FHOD3: variants seen among roughly 807,000 people sequenced by gnomAD.
FHOD3 encodes the protein FH1/FH2 domain-containing protein 3.
FHOD3 carries 90 observed loss-of-function variants against 173.0 expected under a neutral mutation model. The ratio of observed to expected loss-of-function variants is 0.52; its 90% CI spans 0.44 to 0.62. FHOD3 has a LOEUF of 0.62. FHOD3 is among the 20% of genes least tolerant of loss of function. The pLI is 0.00. For synonymous variants in FHOD3, 828 were observed against 823.0 expected, an observed-to-expected ratio of 1.01 and a Z score of -0.10; for missense variants, 1,945 against 2,034.7, an observed-to-expected ratio of 0.96 and a Z score of 0.85.
Position 36,584,761 on chromosome 18 carries a change from C to A in FHOD3, c.606+8216C>A, listed in dbSNP as rs1434493284. 2.0e-5 allele frequency among the ~76,000 whole-genome samples: 3 copies of A among 152,014 alleles called. No homozygotes were observed. The East Asian group carries it at 5.8e-4, about 29-fold the overall frequency. On this transcript the variant is annotated intron_variant, in intron 6 of 28. Transcript: ENST00000590592. ...ATGATCAGCTTGAATAACACATAGA[C>A]CCCTTCTCAAAAAACTAAAATAGCT...
At chr18:36,675,671 T>C (rs1240623400) in intron 14 of FHOD3, among the ~76,000 whole-genome samples, 1 of 152,170 alleles carries the variant, frequency 6.6e-6, no homozygotes, top group East Asian at 1.9e-4. Flanking sequence ...TTATCATACC[T>C]TAGAGAATAG....
chr18:36,389,009 G>A (rs1427431993), intron 3 of FHOD3, among the ~76,000 whole-genome samples: 1 of 152,052 alleles, frequency 6.6e-6, no homozygotes, highest in African/African-American at 2.4e-5. Context: ...GGCGCTTCTT[G>A]CCAAATGCAG....
At chr18:36,748,876 A>T (rs1462107570) in intron 24 of FHOD3, among the ~76,000 whole-genome samples, 3 of 152,000 alleles carry the variant, frequency 2.0e-5, no homozygotes, top group Non-Finnish European at 4.4e-5. Context: ...AGCCCCAAGG[A>T]CTGTGCCTCA....
intron 17 of FHOD3, among the ~76,000 whole-genome samples, chr18:36,696,904 C>G (rs762648320): frequency 6.6e-6 from 1 of 152,208 alleles, no homozygotes; most frequent in Non-Finnish European, 1.5e-5. Flanking sequence ...GCTTTGATAT[C>G]TTTTCCTTAT....
intron 6 of FHOD3, among the ~76,000 whole-genome samples, chr18:36,592,197 C>T (rs906074044): frequency 2.0e-5 from 3 of 152,094 alleles, no homozygotes; most frequent in Non-Finnish European, 4.4e-5. Flanking sequence ...CCAGCCTGGG[C>T]AACAGAACAA....
chr18:36,464,364 A>G (rs1427103220), intron 3 of FHOD3, among the ~76,000 whole-genome samples: 2 of 152,188 alleles, frequency 1.3e-5, no homozygotes, highest in African/African-American at 4.8e-5. Flanking sequence ...ATTCCAGAAA[A>G]TGCTTACTGC....
At chr18:36,732,620 C>T (rs188006849) in intron 20 of FHOD3, among the ~76,000 whole-genome samples, 5 of 152,304 alleles carry the variant, frequency 3.3e-5, no homozygotes, top group South Asian at 2.1e-4. Context: ...TCCAGCCTAT[C>T]GAAAGAGTGA....
intron 28 of FHOD3, among the ~76,000 whole-genome samples, chr18:36,771,883 A>G (rs1006588782): frequency 3.9e-5 from 6 of 152,238 alleles, no homozygotes; most frequent in African/African-American, 1.2e-4. Flanking sequence ...GACAGGAGAC[A>G]GCATGGGACA....
intron 5 of FHOD3, among the ~76,000 whole-genome samples, chr18:36,516,261 G>T (rs1244307177): frequency 2.0e-5 from 3 of 152,182 alleles, no homozygotes; most frequent in Non-Finnish European, 2.9e-5. Context: ...CAGATCAAGA[G>T]AAGAGGCTGG....
intron 15 of FHOD3, 30 bp downstream of exon 15, chr18:36,681,600 TAGTG>T (rs765891878): frequency 6.3e-5 from 98 of 1,551,774 alleles, no homozygotes; most frequent in Non-Finnish European, 8.1e-5. Context: ...TTTTTTTAAA[TAGTG>T]AGTTAAAAAT....
chr18:36,520,998 G>T (rs1017163687), intron 5 of FHOD3, among the ~76,000 whole-genome samples: 4 of 152,160 alleles, frequency 2.6e-5, no homozygotes, highest in African/African-American at 9.7e-5. Context: ...TCTCACACAT[G>T]GTCTTCTTTT....
chr18:36,590,504 A>T (rs1474334522), intron 6 of FHOD3, among the ~76,000 whole-genome samples: 1 of 152,338 alleles, frequency 6.6e-6, no homozygotes, highest in African/African-American at 2.4e-5. Flanking sequence ...TGTCCTTGAA[A>T]TTAGTACCAT....
At chr18:36,450,488 A>AT (rs1392871399) in intron 3 of FHOD3, among the ~76,000 whole-genome samples, 2 of 132,006 alleles carry the variant, frequency 1.5e-5, no homozygotes, top group Non-Finnish European at 3.3e-5. Context: ...TATTTATTTA[A>AT]TTTTTAAAGA....
intron 1 of FHOD3, among the ~76,000 whole-genome samples, chr18:36,307,659 A>C (rs1296909574): frequency 6.6e-6 from 1 of 152,226 alleles, no homozygotes; most frequent in Non-Finnish European, 1.5e-5. Context: ...GCAGCTGTCC[A>C]CTTAAACTGT....
chr18:36,380,535 TTC>T (rs1224839792), intron 3 of FHOD3, among the ~76,000 whole-genome samples: 3 of 147,006 alleles, frequency 2.0e-5, no homozygotes, highest in South Asian at 2.3e-4. Flanking sequence ...CTTTTTCCCT[TTC>T]TCTCTCTTTC....
intron 3 of FHOD3, among the ~76,000 whole-genome samples, chr18:36,417,121 A>G (rs1158571217): frequency 6.6e-6 from 1 of 152,206 alleles, no homozygotes; most frequent in Non-Finnish European, 1.5e-5. Context: ...TTATATAGGT[A>G]AACTTATGTC....
At position 36,670,025 on chromosome 18, in the gene FHOD3, G is replaced by A. The variant is rs565769252; in HGVS notation, c.1836-11411G>A. 1.5e-3 allele frequency among the ~76,000 whole-genome samples: 227 copies of A among 150,154 alleles called. 3 individuals carry two copies. The Middle Eastern group carries it at 0.027, about 18-fold the overall frequency. Reference sequence around the variant, plus strand: ...AGGTAAAGAATTATAAGTTGATAGCGTTTTTTTTTCTTTCAGTACTCTAAA... The same window carrying A: ...AGGTAAAGAATTATAAGTTGATAGCATTTTTTTTTCTTTCAGTACTCTAAA... On this transcript the variant is annotated intron_variant, in intron 14 of 28. Transcript: ENST00000590592.
chr18:36,496,110 A>G (rs1472897261), intron 3 of FHOD3, among the ~76,000 whole-genome samples: 4 of 152,212 alleles, frequency 2.6e-5, no homozygotes, highest in African/African-American at 9.7e-5. Flanking sequence ...CTTGGATGCA[A>G]CACAAATGGA....
intron 1 of FHOD3, among the ~76,000 whole-genome samples, chr18:36,354,610 T>G (rs2046272923): frequency 6.6e-6 from 1 of 152,176 alleles, no homozygotes; most frequent in Non-Finnish European, 1.5e-5. Context: ...GAGACCAGGC[T>G]GGCCAAAATG....
Sources: allele counts gnomAD v4.1 joint callset (sites outside exome capture counted in the v4.1 genomes callset), GRCh38; gene constraint gnomAD v4.1.1; transcripts MANE v1.5; gene names NCBI Gene and HGNC (gene_info 2026-07-23, HGNC 2026-07-21).